Variants in LMBR1L observed in about 807,000 individuals in gnomAD.
The protein encoded by LMBR1L is protein LMBR1L.
LMBR1L carries 47 observed loss-of-function variants against 67.3 expected under a neutral mutation model. The ratio of observed to expected loss-of-function variants is 0.70; its 90% CI spans 0.55 to 0.89. LMBR1L has a LOEUF of 0.89. LMBR1L is among the 40% of genes least tolerant of loss of function. The probability of loss-of-function intolerance (pLI) is 0.00; values close to 1 mark genes in which losing one functional copy is unlikely to be tolerated. For missense variants in LMBR1L, 533 were observed against 599.2 expected, an observed-to-expected ratio of 0.89 and a Z score of 1.15; for synonymous variants, 247 against 250.3, an observed-to-expected ratio of 0.99 and a Z score of 0.13.
chr12:49,110,647 C>G lies in LMBR1L; in HGVS notation c.-92G>C. 1 of 1,092,636 alleles carries G rather than the reference C, an allele frequency of 9.2e-7. No individual in the cohort carries two copies. Among genetic ancestry groups the G allele is most frequent in the Non-Finnish European group, 1.4e-6 (1 of 713,430 alleles). The allele number at this position is 1,092,636 out of a possible 1,614,324, so 67.7% of individuals were successfully genotyped here. A position where few individuals can be genotyped will look rare whatever the true frequency, so the allele number is the denominator to read the frequency against. On this transcript the variant is annotated 5_prime_UTR_variant, in exon 1 of 17. Transcript: ENST00000267102. ...GCCGCCGCCAAGCACCCAGACCCAG[C>G]CTAGGGGCCTTTCCTCGCAGCCTGC...
chr12:49,100,613 A>G lies in LMBR1L; in HGVS notation c.1116T>C (p.Tyr372=). 2 of 1,614,180 alleles carry G rather than the reference A, an allele frequency of 1.2e-6. No homozygotes were observed. The highest frequency in any genetic ancestry group is 2.2e-5 in the South Asian group (2 of 91,082). ...GCAGGCTCCGGAAGAGTGGAGAGCT[A>G]TAGAAGCCCACAACTGAGGACACCA... The part of the protein sequence containing the change: ...YLMVSSVVGF[Y]SSPLFRSLRP... The change falls in exon 14 of 17, where the codon TAT becomes TAC. Residue 372 remains tyrosine, a synonymous_variant. Transcript: ENST00000267102.
chr12:49,110,691 T>C lies in LMBR1L; in HGVS notation c.-136A>G. The stretch of plus-strand genomic sequence containing the variant: ...AGCCTGCGACAGAAACTCGGGGCAG[T>C]CTGGGGCTCAGATACAGTCGTCCGG... On this transcript the variant is annotated 5_prime_UTR_variant, in exon 1 of 17. Transcript: ENST00000267102. The C allele has an allele frequency of 1.4e-6, 1 of 736,784 alleles. No individual in the cohort carries two copies. Among genetic ancestry groups the C allele is most frequent in the South Asian group, 1.5e-5 (1 of 65,386 alleles). 45.6% of individuals were successfully genotyped at this position (736,784 alleles called of 1,614,324 possible).
chr12:49,102,617 C>A (rs1313513999), intron 8 of LMBR1L, 77 bp from the exon 9 acceptor site: 5 of 1,449,344 alleles, frequency 3.4e-6, no homozygotes, highest in Non-Finnish European at 4.8e-6. Flanking sequence ...CCTGTTCTTC[C>A]CAGGGCTCCG....
intron 4 of LMBR1L, 32 bp from the exon 5 acceptor site, chr12:49,104,583 A>T (rs773210795): frequency 6.3e-7 from 1 of 1,591,290 alleles, no homozygotes; most frequent in Non-Finnish European, 8.6e-7. Context: ...AGAAGTGGTC[A>T]GTAAGGGGAG....
At chr12:49,106,930 A>C (rs373180428) in intron 2 of LMBR1L, 31 bp downstream of exon 2, 26 of 1,528,514 alleles carry the variant, frequency 1.7e-5, no homozygotes, top group Non-Finnish European at 2.3e-5. Context: ...GGCAACAGGG[A>C]CTCTAGCAGG....
intron 3 of LMBR1L, chr12:49,105,163 T>C: frequency 2.3e-6 from 1 of 442,448 alleles, no homozygotes; most frequent in South Asian, 3.0e-5. Flanking sequence ...TCCCCAGGAA[T>C]GTGGTCCTCC....
At chr12:49,106,597 G>A (rs1289205513) in intron 2 of LMBR1L, 2 of 1,323,772 alleles carry the variant, frequency 1.5e-6, no homozygotes, top group African/African-American at 1.5e-5. Flanking sequence ...GAAGCACTAG[G>A]AGAGGAGATG....
intron 2 of LMBR1L, chr12:49,106,428 G>T: frequency 2.1e-6 from 1 of 477,216 alleles, no homozygotes; most frequent in Non-Finnish European, 3.8e-6. Context: ...AGGAGGAAAG[G>T]CTGGAGCTAG....
chr12:49,110,426 C>T, intron 1 of LMBR1L, 58 bp downstream of exon 1: 1 of 1,545,156 alleles, frequency 6.5e-7, no homozygotes, highest in Non-Finnish European at 8.9e-7. Context: ...TGGGCTCGGA[C>T]CCCAACCTCC....
rs918588159 is a variant in LMBR1L at position 49,097,204 on chromosome 12, A to G, written c.*468T>C. ...TGATGGCTGAAGCCTCCTCCTCCCTATCCCCTTGGTCTTTCAGGTGGTCCA... is the reference window on the plus strand; with the variant it reads ...TGATGGCTGAAGCCTCCTCCTCCCTGTCCCCTTGGTCTTTCAGGTGGTCCA... On this transcript the variant is annotated 3_prime_UTR_variant, in exon 17 of 17. Transcript: ENST00000267102. The G allele has an allele frequency of 2.5e-5, 4 of 159,006 alleles. No individual in the cohort carries two copies. Among genetic ancestry groups the G allele is most frequent in the African/African-American group, 9.6e-5 (4 of 41,636 alleles). The allele number at this position is 159,006 out of a possible 1,614,324, so 9.8% of individuals were successfully genotyped here.
chr12:49,103,800 C>T lies in LMBR1L; in HGVS notation c.449G>A (p.Arg150Gln), dbSNP rs1307341975. Residue 150 changes from arginine to glutamine, a missense_variant, in exon 6 of 17, where the codon CGG becomes CAG. This residue lies in a region of LMBR1L where 246 missense variants were observed against 249.0 expected (regional missense o/e 0.99). Transcript: ENST00000267102. ...CAACATCACCACTGTCTCATAGACCCGGCCCAGGACACCCTACGGGAGGAG... is the reference window on the plus strand; with the variant it reads ...CAACATCACCACTGTCTCATAGACCTGGCCCAGGACACCCTACGGGAGGAG... Reference protein sequence around the residue: ...FAGSRKGVLGRVYETVVMLML... With the variant: ...FAGSRKGVLGQVYETVVMLML... 17 of 1,612,626 alleles carry T rather than the reference C, an allele frequency of 1.1e-5. No homozygotes were observed. Among genetic ancestry groups the T allele is most frequent in the Admixed American group, 3.3e-5 (2 of 59,746 alleles).
Position 49,102,550 on chromosome 12 carries a change from G to A in LMBR1L, c.697-10C>T, listed in dbSNP as rs201154839. 2.4e-5 allele frequency: 39 copies of A among 1,613,734 alleles called. 2 individuals are homozygous for A. The East Asian group carries it at 8.0e-4, about 33-fold the overall frequency. ...CCAGGTCTTCCAGCAGCTAGGGGCA[G>A]GGGAAAGGAAGAGACTAACTGTCAG... On this transcript the variant is annotated splice_polypyrimidine_tract_variant and intron_variant, in intron 8 of 16. Coordinates refer to ENST00000267102, the MANE Select transcript of LMBR1L (RefSeq NM_018113.4).
Position 49,101,562 on chromosome 12 carries a change from A to G in LMBR1L, c.931-13T>C. ...GCACAGACAGGCCCTGTGTGAGGCA[A>G]GGTCAGACTCCCATTCCACCCCAGA... is the stretch of plus-strand genomic sequence containing the variant. On this transcript the variant is annotated splice_polypyrimidine_tract_variant and intron_variant, in intron 11 of 16. Coordinates refer to ENST00000267102, the MANE Select transcript of LMBR1L (RefSeq NM_018113.4). 5 of 1,600,644 alleles carry G rather than the reference A, an allele frequency of 3.1e-6. No individual in the cohort carries two copies. The highest frequency in any genetic ancestry group is 4.3e-6 in the Non-Finnish European group (5 of 1,169,874).
In LMBR1L at chr12:49,106,943, G is replaced by T; in HGVS notation, c.157+18C>A. On this transcript the variant is annotated intron_variant, in intron 2 of 16. Coordinates refer to ENST00000267102, the MANE Select transcript of LMBR1L (RefSeq NM_018113.4). ...ATGGCAACAGGGACTCTAGCAGGAGGGAGGGAAATCAAAGTACCTGTGGTG... is the reference window on the plus strand; with the variant it reads ...ATGGCAACAGGGACTCTAGCAGGAGTGAGGGAAATCAAAGTACCTGTGGTG... 2 of 1,576,472 alleles carry T rather than the reference G, an allele frequency of 1.3e-6. No individual in the cohort carries two copies. The highest frequency in any genetic ancestry group is 1.7e-6 in the Non-Finnish European group (2 of 1,145,836).
At chr12:49,106,139 A>G in intron 2 of LMBR1L, 182 bp from the exon 3 acceptor site, 1 of 579,476 alleles carries the variant, frequency 1.7e-6, no homozygotes, top group Non-Finnish European at 3.1e-6. Flanking sequence ...CCAAGGTGGC[A>G]GCTTAAAAAT....
chr12:49,104,550 G>A lies in LMBR1L; in HGVS notation c.333C>T (p.Gly111=), dbSNP rs775445191. The A allele has an allele frequency of 1.2e-6, 2 of 1,611,992 alleles. No individual in the cohort carries two copies. The highest frequency in any genetic ancestry group is 1.1e-5 in the South Asian group (1 of 91,016). ...AGAAGAGAAAAACAAGGTTCCAGAG[G>A]CCTAGAGCAAAAAAGGAAGAGCAGA... ...IQWLNGSLIH[G]LWNLVFLFSN... Residue 111 remains glycine, a splice_region_variant and synonymous_variant, in exon 5 of 17, where the codon GGC becomes GGT. Coordinates refer to ENST00000267102, the MANE Select transcript of LMBR1L (RefSeq NM_018113.4).
At chr12:49,106,762 G>T in intron 2 of LMBR1L, 199 bp downstream of exon 2, 1 of 845,540 alleles carries the variant, frequency 1.2e-6, no homozygotes, top group Non-Finnish European at 2.0e-6. Context: ...GATCAGAAAT[G>T]TTATATGACT....
In LMBR1L at chr12:49,101,334, G is replaced by A. The variant is rs754917278; in HGVS notation, c.1009-11C>T. 1.2e-6 allele frequency: 2 copies of A among 1,613,754 alleles called. No individual in the cohort carries two copies. The highest frequency in any genetic ancestry group is 1.3e-5 in the African/African-American group (1 of 75,024). On this transcript the variant is annotated splice_polypyrimidine_tract_variant and intron_variant, in intron 12 of 16. Coordinates refer to ENST00000267102, the MANE Select transcript of LMBR1L (RefSeq NM_018113.4). ...GCCTAAGGAGGTACCCTGAGGAGTG[G>A]GGCAGTATCACTGTGAGCATTCCCC... is the stretch of plus-strand genomic sequence containing the variant.
chr12:49,109,719 A>C (rs1941318468), intron 1 of LMBR1L: 2 of 456,440 alleles, frequency 4.4e-6, no homozygotes, highest in Non-Finnish European at 8.8e-6. Context: ...TCCACTGGGT[A>C]CCCCTACCCC....
Sources: allele counts gnomAD v4.1 joint callset, GRCh38; gene constraint gnomAD v4.1.1; regional missense constraint gnomAD v4.1.1; transcripts MANE v1.5; gene names NCBI Gene and HGNC (gene_info 2026-07-23, HGNC 2026-07-21).